Variants in SUCLG2 observed in about 807,000 individuals in gnomAD.
SUCLG2 encodes succinate-CoA ligase GDP-forming subunit beta.
In SUCLG2, 42 loss-of-function variants were observed where a neutral mutation model predicts 47.9. That is an observed-to-expected ratio of 0.88 (90% CI 0.69 to 1.14). The LOEUF (loss-of-function observed/expected upper bound fraction) is 1.14. Among genes scored for constraint, SUCLG2 ranks in the 50% most tolerant of loss-of-function variants. SUCLG2 has a pLI of 0.00. For synonymous variants in SUCLG2, 195 were observed against 197.3 expected, an observed-to-expected ratio of 0.99 and a Z score of 0.10; for missense variants, 571 against 525.9, an observed-to-expected ratio of 1.09 and a Z score of -0.84.
intron 10 of SUCLG2, among the ~76,000 whole-genome samples, chr3:67,385,124 A>T (rs1159239698): frequency 1.3e-5 from 2 of 152,224 alleles, no homozygotes; most frequent in Non-Finnish European, 2.9e-5. Flanking sequence ...TGAGTCAGGA[A>T]GAAATGAACT....
intron 1 of SUCLG2, among the ~76,000 whole-genome samples, chr3:67,652,109 A>C (rs551269599): frequency 2.0e-5 from 3 of 152,176 alleles, no homozygotes; most frequent in African/African-American, 7.2e-5. Context: ...TGGACCCTTT[A>C]AGGACGTACT....
At chr3:67,495,566 C>T (rs1705311879) in intron 9 of SUCLG2, among the ~76,000 whole-genome samples, 3 of 151,234 alleles carry the variant, frequency 2.0e-5, no homozygotes, top group Non-Finnish European at 2.9e-5. Flanking sequence ...GAAGAAGAAT[C>T]GCTTGAACCC....
chr3:67,497,056 T>C (rs1387733919), intron 8 of SUCLG2, among the ~76,000 whole-genome samples: 1 of 152,200 alleles, frequency 6.6e-6, no homozygotes, highest in Non-Finnish European at 1.5e-5. Context: ...TAAACCCATA[T>C]ACCTTTCCCC....
At chr3:67,450,142 A>G (rs1458526910) in intron 9 of SUCLG2, among the ~76,000 whole-genome samples, 1 of 152,190 alleles carries the variant, frequency 6.6e-6, no homozygotes, top group Non-Finnish European at 1.5e-5. Context: ...CCTGGGCTCA[A>G]GCAATCCTCT....
intron 9 of SUCLG2, among the ~76,000 whole-genome samples, chr3:67,401,641 T>C (rs74785909): frequency 7.1e-4 from 106 of 149,932 alleles, no homozygotes; most frequent in African/African-American, 2.5e-3. Context: ...AAATCCTGTA[T>C]AATTAACATG....
intron 1 of SUCLG2, among the ~76,000 whole-genome samples, chr3:67,637,677 T>C (rs187613424): frequency 4.7e-4 from 72 of 152,354 alleles, no homozygotes; most frequent in African/African-American, 1.5e-3. Context: ...ACCAGTTCTT[T>C]ATCAGGATAA....
At chr3:67,620,809 T>C (rs1700723815) in intron 1 of SUCLG2, among the ~76,000 whole-genome samples, 1 of 152,032 alleles carries the variant, frequency 6.6e-6, no homozygotes, top group East Asian at 1.9e-4. Context: ...GGTTGGCACG[T>C]GCACGAACAA....
chr3:67,454,571 T>C (rs1465768290), intron 9 of SUCLG2, among the ~76,000 whole-genome samples: 3 of 152,202 alleles, frequency 2.0e-5, no homozygotes, highest in Admixed American at 6.5e-5. Flanking sequence ...AGATGGATAG[T>C]TGTTGAAGCA....
chr3:67,432,912 G>A (rs767268179), intron 9 of SUCLG2, among the ~76,000 whole-genome samples: 32 of 152,268 alleles, frequency 2.1e-4, no homozygotes, highest in Non-Finnish European at 2.2e-4. Context: ...ATTTTAAAAC[G>A]AAGAGGAACT....
At chr3:67,610,951 A>G (rs1440808022) in intron 1 of SUCLG2, among the ~76,000 whole-genome samples, 1 of 152,152 alleles carries the variant, frequency 6.6e-6, no homozygotes, top group East Asian at 1.9e-4. Flanking sequence ...TGTGCCTTAA[A>G]CTTCTCTGTA....
At chr3:67,601,379 A>G (rs1708414045) in intron 2 of SUCLG2, among the ~76,000 whole-genome samples, 2 of 152,106 alleles carry the variant, frequency 1.3e-5, no homozygotes, top group South Asian at 4.1e-4. Context: ...AATAATGAGC[A>G]TGTTCCTTTG....
rs78629329 is a variant in SUCLG2, at chr3:67,583,002, T to G, written c.226+26453A>C. ...CTCCAGTAACTCAACTGTCTCAGGG[T>G]AGTGAATGGCAGTTACTTGTATGCA... On this transcript the variant is annotated intron_variant, in intron 2 of 10. Coordinates refer to ENST00000307227, the MANE Select transcript of SUCLG2 (RefSeq NM_003848.4). 4.1e-3 allele frequency among the ~76,000 whole-genome samples: 627 copies of G among 152,244 alleles called. 4 individuals carry two copies. The highest frequency in any genetic ancestry group is 0.014 in the African/African-American group (571 of 41,540).
At chr3:67,536,542 AC>A (rs1187642067) in intron 2 of SUCLG2, among the ~76,000 whole-genome samples, 1 of 152,028 alleles carries the variant, frequency 6.6e-6, no homozygotes, top group Non-Finnish European at 1.5e-5. Flanking sequence ...TAAACCTGAG[AC>A]CTCTGTGCCT....
At chr3:67,428,149 G>A (rs1305573380) in intron 9 of SUCLG2, among the ~76,000 whole-genome samples, 2 of 152,186 alleles carry the variant, frequency 1.3e-5, no homozygotes, top group African/African-American at 4.8e-5. Flanking sequence ...GCCTCCTCAA[G>A]TGGGTCCCTG....
chr3:67,496,873 C>A (rs1189585145), intron 8 of SUCLG2, among the ~76,000 whole-genome samples: 1 of 151,932 alleles, frequency 6.6e-6, no homozygotes, highest in Non-Finnish European at 1.5e-5. Context: ...CTCCAATTCC[C>A]TAGAAAAGCC....
At position 67,476,491 on chromosome 3, in the gene SUCLG2, C is replaced by G. The variant is rs117024969; in HGVS notation, c.1062+19307G>C. On this transcript the variant is annotated intron_variant, in intron 9 of 10. Coordinates refer to ENST00000307227, the MANE Select transcript of SUCLG2 (RefSeq NM_003848.4). The stretch of plus-strand genomic sequence containing the variant: ...TAGGAAAACAAGCTCAAAGTGCCCA[C>G]TGATTCTACATTATGGTGAGCTGTA... 3.7e-4 allele frequency among the ~76,000 whole-genome samples: 56 copies of G among 152,200 alleles called. 1 individual carries two copies. In the East Asian group the frequency reaches 9.5e-3, roughly 26 times the overall value.
At chr3:67,459,404 C>A (rs1219598709) in intron 9 of SUCLG2, among the ~76,000 whole-genome samples, 1 of 152,172 alleles carries the variant, frequency 6.6e-6, no homozygotes, top group Non-Finnish European at 1.5e-5. Flanking sequence ...CCAATTACCC[C>A]ATTCCCTAAA....
At chr3:67,428,633 C>A (rs923483596) in intron 9 of SUCLG2, among the ~76,000 whole-genome samples, 1 of 152,122 alleles carries the variant, frequency 6.6e-6, no homozygotes, top group Non-Finnish European at 1.5e-5. Context: ...TTCAGACGAT[C>A]GGTAATAACA....
intron 1 of SUCLG2, among the ~76,000 whole-genome samples, chr3:67,653,181 T>C (rs1353533988): frequency 2.0e-5 from 3 of 152,176 alleles, no homozygotes; most frequent in Admixed American, 6.6e-5. Flanking sequence ...ATGTTTCTCA[T>C]CAATTCAAGT....
Sources: allele counts gnomAD v4.1 joint callset (sites outside exome capture counted in the v4.1 genomes callset), GRCh38; gene constraint gnomAD v4.1.1; transcripts MANE v1.5; gene names NCBI Gene and HGNC (gene_info 2026-07-23, HGNC 2026-07-21).